The following FXR1 variants were observed in gnomAD, a reference collection of about 807,000 sequenced individuals.
FXR1 encodes the protein RNA-binding protein FXR1.
Under a neutral mutation model 84.0 loss-of-function variants are expected in FXR1, and 15 were observed. The ratio of observed to expected loss-of-function variants is 0.18; its 90% CI spans 0.12 to 0.27. The LOEUF is 0.27. FXR1 is among the 10% of genes least tolerant of loss of function. The pLI is 1.00. For synonymous variants in FXR1, 245 were observed against 250.7 expected (o/e 0.98, Z 0.21); for missense variants, 480 against 774.4 (o/e 0.62, Z 4.51).
intron 3 of FXR1, among the ~76,000 whole-genome samples, chr3:180,938,936 C>T (rs1720827746): frequency 6.6e-6 from 1 of 151,736 alleles, no homozygotes; most frequent in African/African-American, 2.4e-5. Context: ...CACTAAGTTG[C>T]TCAGGTTGGA....
Position 180,976,199 on chromosome 3 carries a change from T to G in FXR1, c.1773T>G (p.Ile591Met). The part of the protein sequence containing the change: ...NGPTSASGDD[I>M]SKLQRTPGEE... ...CAACTAGTGCTTCTGGCGATGACAT[T>G]TCTAAGCTACAGCGTACTCCAGGAG... The change falls in exon 17 of 17, where the codon ATT becomes ATG. Residue 591 changes from isoleucine (I) to methionine (M), a missense_variant. Transcript: ENST00000357559. 6.2e-7 allele frequency: 1 copy of G among 1,612,792 alleles called. No individual in the cohort carries two copies. Among genetic ancestry groups the G allele is most frequent in the Non-Finnish European group, 8.5e-7 (1 of 1,178,820 alleles).
intron 15 of FXR1, among the ~76,000 whole-genome samples, chr3:180,974,744 TTTC>T (rs748978955): frequency 6.6e-6 from 1 of 152,104 alleles, no homozygotes; most frequent in Non-Finnish European, 1.5e-5. Context: ...TTGCTTGTAG[TTTC>T]TTATTTTAAT....
intron 9 of FXR1, chr3:180,957,428 T>G (rs1376950205): frequency 1.3e-5 from 2 of 154,294 alleles, no homozygotes; most frequent in Non-Finnish European, 2.9e-5. Context: ...GCTACTTATG[T>G]GAATTAATAA....
intron 1 of FXR1, among the ~76,000 whole-genome samples, chr3:180,917,947 C>CAAAAAAAAA (rs757826092): frequency 4.9e-5 from 3 of 61,000 alleles, no homozygotes; most frequent in Non-Finnish European, 1.0e-4. Flanking sequence ...ACTCTGTCTC[C>CAAAAAAAAA]AAAAAAAAAA....
chr3:180,935,086 G>A, intron 2 of FXR1, 52 bp from the exon 3 acceptor site: 1 of 834,068 alleles, frequency 1.2e-6, no homozygotes, highest in Non-Finnish European at 2.1e-6. Flanking sequence ...TGCAACACCA[G>A]GCGTAGACTA....
chr3:180,917,947 CAAAA>C (rs757826092), intron 1 of FXR1, among the ~76,000 whole-genome samples: 6,626 of 60,810 alleles, frequency 0.11, 341 homozygotes, highest in African/African-American at 0.29. Flanking sequence ...ACTCTGTCTC[CAAAA>C]AAAAAAAAAA....
intron 3 of FXR1, among the ~76,000 whole-genome samples, chr3:180,941,800 A>C (rs1721149298): frequency 6.6e-6 from 1 of 152,212 alleles, no homozygotes; most frequent in South Asian, 2.1e-4. Context: ...TGAATGAGAT[A>C]ATACTATTAT....
At chr3:180,926,507 T>TATATATATATATATA (rs397991792) in intron 1 of FXR1, among the ~76,000 whole-genome samples, 10 of 79,196 alleles carry the variant, frequency 1.3e-4, no homozygotes, top group Non-Finnish European at 1.6e-4. Flanking sequence ...TATATATATA[T>TATATATATATATATA]TTTTTTTTCT....
chr3:180,946,908 TACTGAAAATATAATACG>T (rs1460104842), intron 3 of FXR1, among the ~76,000 whole-genome samples: 1 of 152,210 alleles, frequency 6.6e-6, no homozygotes, highest in Non-Finnish European at 1.5e-5. Flanking sequence ...CCTTTCTCTA[TACTGAAAATATAATACG>T]TTAAAGAAGC....
intron 9 of FXR1, chr3:180,957,540 A>G (rs1711519109): frequency 3.8e-6 from 1 of 266,478 alleles, no homozygotes; most frequent in South Asian, 1.6e-4. Flanking sequence ...AAAATGATAT[A>G]AGCATATTTT....
intron 2 of FXR1, among the ~76,000 whole-genome samples, chr3:180,934,230 T>A (rs1028311529): frequency 2.0e-5 from 3 of 152,178 alleles, no homozygotes; most frequent in Non-Finnish European, 4.4e-5. Context: ...TAGAAACAAG[T>A]GTTGAGATGA....
chr3:180,930,597 T>G (rs866364395), intron 1 of FXR1, among the ~76,000 whole-genome samples: 1 of 152,214 alleles, frequency 6.6e-6, no homozygotes, highest in Non-Finnish European at 1.5e-5. Flanking sequence ...AAAATATGGC[T>G]GTCTTCTGAT....
At chr3:180,947,965 C>G in intron 4 of FXR1, 29 bp downstream of exon 4, 1 of 1,373,566 alleles carries the variant, frequency 7.3e-7, no homozygotes, top group Admixed American at 1.8e-5. Flanking sequence ...TGCTTTGTGA[C>G]TAGTTTCTAA....
chr3:180,967,302 G>A (rs1354256121), intron 13 of FXR1, among the ~76,000 whole-genome samples: 2 of 152,026 alleles, frequency 1.3e-5, no homozygotes, highest in African/African-American at 4.8e-5. Context: ...ATTACTTCTA[G>A]CTTATAATAA....
intron 1 of FXR1, chr3:180,914,660 CAATG>C (rs1717668893): frequency 3.7e-6 from 2 of 538,598 alleles, no homozygotes; most frequent in Non-Finnish European, 4.7e-6. Context: ...AGTCAATTCA[CAATG>C]AATCAAATGT....
chr3:180,926,697 G>T (rs1208724988), intron 1 of FXR1, among the ~76,000 whole-genome samples: 1 of 151,468 alleles, frequency 6.6e-6, no homozygotes, highest in African/African-American at 2.4e-5. Context: ...ATTACATTTG[G>T]TAGTCTGCCA....
Position 180,935,197 on chromosome 3 carries a change from T to C in FXR1, c.164T>C (p.Ile55Thr), listed in dbSNP as rs755480412. Residue 55 changes from isoleucine (I) to threonine (T), a missense_variant, in exon 3 of 17, where the codon ATA becomes ACA. Around this residue, in one of 6 missense-constraint regions of FXR1, gnomAD observed 54 missense variants for 74.2 expected, o/e 0.73. Coordinates refer to ENST00000357559, the MANE Select transcript of FXR1 (RefSeq NM_005087.4). ...GTTAGATTACCACCACCACCTGATA[T>C]AAAAAAAGAAATTAGTGAAGGAGAT... ...NEVRLPPPPD[I>T]KKEISEGDEV... 7.0e-6 allele frequency: 11 copies of C among 1,565,550 alleles called. No homozygotes were observed. In the Admixed American group the frequency reaches 1.0e-4, roughly 14 times the overall value.
chr3:180,970,422 AATT>A (rs1713422593), intron 15 of FXR1, 64 bp downstream of exon 15: 1 of 258,452 alleles, frequency 3.9e-6, no homozygotes, highest in Non-Finnish European at 6.9e-6. Flanking sequence ...ATATATATAT[AATT>A]GTAAACTATT....
Position 180,929,183 on chromosome 3 carries a change from G to C in FXR1, c.52-4151G>C, listed in dbSNP as rs555859684. Among the ~76,000 whole-genome samples, 23 of 152,264 alleles carry C rather than the reference G, an allele frequency of 1.5e-4. No individual in the cohort carries two copies. The South Asian group carries it at 3.7e-3, about 25-fold the overall frequency. On this transcript the variant is annotated intron_variant, in intron 1 of 16. Coordinates refer to ENST00000357559, the MANE Select transcript of FXR1 (RefSeq NM_005087.4). ...GCCTCCCAAAGTGCTGGGATTACAG[G>C]CGTGAGCCACCGCGCCCGGCCTAAT...
Sources: allele counts gnomAD v4.1 joint callset (sites outside exome capture counted in the v4.1 genomes callset), GRCh38; gene constraint gnomAD v4.1.1; regional missense constraint gnomAD v4.1.1; transcripts MANE v1.5; gene names NCBI Gene and HGNC (gene_info 2026-07-23, HGNC 2026-07-21).